Variants in ATRX observed in about 807,000 individuals in gnomAD.
The protein encoded by ATRX is chromatin remodeler ATRX.
A neutral mutation model predicts 172.6 loss-of-function variants in ATRX; 12 were observed. The ratio of observed to expected loss-of-function variants is 0.07; its 90% CI spans 0.04 to 0.11. The LOEUF (loss-of-function observed/expected upper bound fraction) is 0.11. ATRX is among the 10% of genes least tolerant of loss of function. ATRX has a pLI of 1.00. For synonymous variants in ATRX, 674 were observed against 594.7 expected, an observed-to-expected ratio of 1.13 and a Z score of -1.94; for missense variants, 1,368 against 1,767.4, an observed-to-expected ratio of 0.77 and a Z score of 4.05.
At chrX:77,678,869 T>C (rs782222283) in intron 9 of ATRX, among the ~76,000 whole-genome samples, 15 of 111,148 alleles carry the variant, frequency 1.3e-4, no homozygotes, top group Non-Finnish European at 2.6e-4. Flanking sequence ...GTTCTTCATC[T>C]TGGTTATTCA....
chrX:77,743,456 G>A (rs1321178785), intron 1 of ATRX, among the ~76,000 whole-genome samples: 1 of 110,872 alleles, frequency 9.0e-6, no homozygotes, highest in African/African-American at 3.3e-5. Flanking sequence ...GCTTTGACCT[G>A]GCTGAGAAAC....
In ATRX at chrX:77,529,878, CA is replaced by C. The variant is rs200892129; in HGVS notation, c.6700-6478del. On this transcript the variant is annotated intron_variant, in intron 30 of 34. Coordinates refer to ENST00000373344, the MANE Select transcript of ATRX (RefSeq NM_000489.6). ...GTGGGAGAGTTTAACACCCCTCTGACAATATTAGATCATTGAGACAGAAAAT... is the reference window on the plus strand; with the variant it reads ...GTGGGAGAGTTTAACACCCCTCTGACATATTAGATCATTGAGACAGAAAAT... 7.9e-3 allele frequency among the ~76,000 whole-genome samples: 885 copies of C among 111,761 alleles called. 10 individuals are homozygous for C. The highest frequency in any genetic ancestry group is 0.028 in the African/African-American group (856 of 30,737).
rs374670846 is a variant in ATRX at position 77,683,690 on chromosome X, G to C, written c.1566C>G (p.Ser522=). ...TCTCAAAAATGTCTTCTGGAACTGA[G>C]GAAGGAACAGACACAATATCCATGT... ...DLDMDIVSVP[S]SVPEDIFENL... Residue 522 remains serine, a synonymous_variant, in exon 9 of 35, where the codon TCC becomes TCG. Transcript: ENST00000373344. 7 of 1,209,631 alleles carry C rather than the reference G, an allele frequency of 5.8e-6. No individual in the cohort carries two copies. The African/African-American group carries it at 1.2e-4, about 21-fold the overall frequency.
At chrX:77,735,801 C>CA (rs1309515568) in intron 1 of ATRX, among the ~76,000 whole-genome samples, 2 of 84,703 alleles carry the variant, frequency 2.4e-5, no homozygotes, top group Admixed American at 1.4e-4. Flanking sequence ...GACTCCGTCT[C>CA]AAAAAACTAA....
intron 1 of ATRX, among the ~76,000 whole-genome samples, chrX:77,784,367 A>G (rs189182185): frequency 1.0e-3 from 117 of 112,465 alleles, no homozygotes; most frequent in African/African-American, 3.7e-3. Context: ...AGAAAAACTG[A>G]CCCTTGTGTA....
intron 30 of ATRX, 79 bp downstream of exon 30, chrX:77,557,372 G>T: frequency 1.0e-6 from 1 of 955,558 alleles, no homozygotes. Context: ...GCCTTAATCA[G>T]ATGACTAAAT....
chrX:77,703,963 G>A (rs543815831), intron 2 of ATRX, among the ~76,000 whole-genome samples: 4 of 110,299 alleles, frequency 3.6e-5, no homozygotes, highest in African/African-American at 6.6e-5. Flanking sequence ...TAGGCAAGTC[G>A]TTACTACAAG....
intron 1 of ATRX, among the ~76,000 whole-genome samples, chrX:77,777,899 G>T (rs1236965359): frequency 9.1e-6 from 1 of 110,250 alleles, no homozygotes; most frequent in Non-Finnish European, 1.9e-5. Context: ...CACTTTGGGA[G>T]GCCGAGGTGG....
In ATRX at chrX:77,652,333, CTCT is replaced by C. The variant is rs1356648720; in HGVS notation, c.4335_4337del (p.Glu1448del). On this transcript the variant is annotated inframe_deletion, in exon 15 of 35. Transcript: ENST00000373344. The stretch of plus-strand genomic sequence containing the variant: ...CTTCCTCCTCCTCTTCTTTTTCCTC[CTCT>C]TCTTCCTCAGAATTACTCTACAGAA... The C allele has an allele frequency of 1.0e-5, 12 of 1,202,221 alleles. 1 individual carries two copies. Among genetic ancestry groups the C allele is most frequent in the South Asian group, 1.8e-5 (1 of 56,640 alleles).
intron 20 of ATRX, among the ~76,000 whole-genome samples, chrX:77,619,798 A>G (rs183955360): frequency 1.6e-3 from 176 of 112,282 alleles, no homozygotes; most frequent in African/African-American, 5.5e-3. Flanking sequence ...GAAAAAGAAA[A>G]AAAGTGAGAG....
chrX:77,761,058 G>A (rs7064975), intron 1 of ATRX, among the ~76,000 whole-genome samples: 6,047 of 111,126 alleles, frequency 0.054, 398 homozygotes, highest in African/African-American at 0.19. Flanking sequence ...GTGTATTCAG[G>A]GAGTTCATAA....
chrX:77,651,554 C>T (rs1320176186), intron 15 of ATRX, among the ~76,000 whole-genome samples: 1 of 111,552 alleles, frequency 9.0e-6, no homozygotes, highest in South Asian at 3.8e-4. Context: ...AAATCAATTG[C>T]AACTAGAAAT....
At chrX:77,715,495 C>T (rs1175399157) in intron 2 of ATRX, among the ~76,000 whole-genome samples, 2 of 112,300 alleles carry the variant, frequency 1.8e-5, no homozygotes, top group African/African-American at 6.5e-5. Flanking sequence ...TTAAGTGATG[C>T]ATGACTGCAC....
At chrX:77,587,996 C>G (rs1328047483) in intron 27 of ATRX, among the ~76,000 whole-genome samples, 4 of 111,776 alleles carry the variant, frequency 3.6e-5, no homozygotes, top group African/African-American at 1.3e-4. Flanking sequence ...TCCAAGAGAT[C>G]TGGAATAGCC....
intron 19 of ATRX, among the ~76,000 whole-genome samples, chrX:77,629,560 T>C (rs1479177778): frequency 4.5e-5 from 5 of 111,808 alleles, no homozygotes; most frequent in Non-Finnish European, 9.4e-5. Context: ...GAAAAGAAAA[T>C]AAAAGTAGAG....
intron 30 of ATRX, among the ~76,000 whole-genome samples, chrX:77,530,115 A>G (rs2063521455): frequency 8.9e-6 from 1 of 112,017 alleles, no homozygotes; most frequent in Non-Finnish European, 1.9e-5. Context: ...AGCGCAATCA[A>G]ATTAGAACTC....
intron 11 of ATRX, among the ~76,000 whole-genome samples, 184 bp downstream of exon 11, chrX:77,664,461 G>C (rs1162359515): frequency 9.0e-6 from 1 of 110,903 alleles, no homozygotes; most frequent in Non-Finnish European, 1.9e-5. Flanking sequence ...ATGTTGGTCA[G>C]GCTGGTCTCA....
At chrX:77,764,941 C>T (rs781863211) in intron 1 of ATRX, among the ~76,000 whole-genome samples, 2 of 111,616 alleles carry the variant, frequency 1.8e-5, no homozygotes, top group Non-Finnish European at 3.8e-5. Context: ...CCTCACAGGC[C>T]GAGGCAGGTG....
chrX:77,681,408 T>C, intron 9 of ATRX, 112 bp downstream of exon 9: 1 of 732,773 alleles, frequency 1.4e-6, no homozygotes, highest in Non-Finnish European at 2.0e-6. Flanking sequence ...TTTTAAGTGG[T>C]ATTCTCCTAA....
Sources: allele counts gnomAD v4.1 joint callset (sites outside exome capture counted in the v4.1 genomes callset), GRCh38; gene constraint gnomAD v4.1.1; transcripts MANE v1.5; gene names NCBI Gene and HGNC (gene_info 2026-07-23, HGNC 2026-07-21).